SHROOM3: variants seen among roughly 807,000 people sequenced by gnomAD.
SHROOM3 encodes protein Shroom3.
A neutral mutation model predicts 138.6 loss-of-function variants in SHROOM3; 47 were observed. The observed-to-expected ratio is 0.34, with a 90% CI of 0.27 to 0.43. The LOEUF (loss-of-function observed/expected upper bound fraction) is 0.43. SHROOM3 is among the 20% of genes least tolerant of loss of function. The pLI is 1.00. For synonymous variants in SHROOM3, 1,062 were observed against 1,063.3 expected, an observed-to-expected ratio of 1.00 and a Z score of 0.02; for missense variants, 2,491 against 2,596.5, an observed-to-expected ratio of 0.96 and a Z score of 0.88.
chr4:76,588,133 A>G (rs1734189515), intron 2 of SHROOM3, among the ~76,000 whole-genome samples: 1 of 152,186 alleles, frequency 6.6e-6, no homozygotes, highest in Non-Finnish European at 1.5e-5. Flanking sequence ...CTTCTTAACA[A>G]TACTTAAAAG....
chr4:76,592,599 C>T (rs923404636), intron 2 of SHROOM3, among the ~76,000 whole-genome samples: 8 of 152,110 alleles, frequency 5.3e-5, no homozygotes, highest in African/African-American at 1.7e-4. Flanking sequence ...TATCGTCACA[C>T]GTACAGAGAA....
At chr4:76,678,770 C>T (rs1719110167) in intron 2 of SHROOM3, among the ~76,000 whole-genome samples, 2 of 152,212 alleles carry the variant, frequency 1.3e-5, no homozygotes, top group Admixed American at 6.5e-5. Context: ...AAGCAATTCT[C>T]CTGCCTCAGC....
intron 10 of SHROOM3, among the ~76,000 whole-genome samples, chr4:76,775,703 CAT>C (rs1199717775): frequency 6.8e-6 from 1 of 147,886 alleles, no homozygotes; most frequent in Non-Finnish European, 1.5e-5. Flanking sequence ...ATATACATAA[CAT>C]ATTTGTATAT....
At chr4:76,657,638 G>T (rs1446978464) in intron 2 of SHROOM3, among the ~76,000 whole-genome samples, 1 of 152,182 alleles carries the variant, frequency 6.6e-6, no homozygotes, top group Non-Finnish European at 1.5e-5. Context: ...TGGGGGTGGG[G>T]GGGTCCCCTT....
intron 2 of SHROOM3, among the ~76,000 whole-genome samples, chr4:76,584,337 G>T (rs1393058344): frequency 1.3e-5 from 2 of 151,558 alleles, no homozygotes; most frequent in African/African-American, 4.8e-5. Context: ...AAAAAAAAGA[G>T]TCACATAGAT....
intron 3 of SHROOM3, among the ~76,000 whole-genome samples, chr4:76,713,330 T>C: frequency 6.6e-6 from 1 of 152,190 alleles, no homozygotes; most frequent in East Asian, 1.9e-4. Context: ...CTTTTTTTCA[T>C]TGAATTTTTT....
At chr4:76,733,715 C>CTTAGT (rs1426063447) in intron 4 of SHROOM3, among the ~76,000 whole-genome samples, 1 of 152,086 alleles carries the variant, frequency 6.6e-6, no homozygotes, top group Non-Finnish European at 1.5e-5. Context: ...CTCTGACAGC[C>CTTAGT]TTAGTTTAAG....
intron 9 of SHROOM3, among the ~76,000 whole-genome samples, chr4:76,760,719 A>T (rs1226998563): frequency 2.6e-5 from 4 of 152,310 alleles, no homozygotes; most frequent in Middle Eastern, 6.8e-3. Context: ...CTGCTAGCCC[A>T]AAGTTTTCCT....
intron 9 of SHROOM3, among the ~76,000 whole-genome samples, chr4:76,759,910 G>A (rs1721940173): frequency 6.6e-6 from 1 of 152,160 alleles, no homozygotes; most frequent in Admixed American, 6.5e-5. Flanking sequence ...GTAAGCTACT[G>A]TACTTTTCGT....
intron 2 of SHROOM3, among the ~76,000 whole-genome samples, chr4:76,617,641 A>G (rs1304048200): frequency 6.6e-6 from 1 of 152,204 alleles, no homozygotes; most frequent in Non-Finnish European, 1.5e-5. Flanking sequence ...TTAATCATCT[A>G]AGGGTTTTTG....
chr4:76,466,378 T>G (rs550395343), intron 1 of SHROOM3, among the ~76,000 whole-genome samples: 4 of 152,308 alleles, frequency 2.6e-5, no homozygotes, highest in African/African-American at 9.6e-5. Context: ...TCTTTTATAT[T>G]CTTTTCTAAC....
chr4:76,746,766 T>C (rs1721446374), intron 5 of SHROOM3, among the ~76,000 whole-genome samples: 1 of 149,712 alleles, frequency 6.7e-6, no homozygotes, highest in South Asian at 2.1e-4. Flanking sequence ...TGAGATTCAG[T>C]AGACTTTAGA....
intron 1 of SHROOM3, among the ~76,000 whole-genome samples, chr4:76,441,086 G>GTTTTTTTTTTTTTTTTTTTTTTTTTTT (rs374530154): frequency 1.2e-5 from 1 of 82,182 alleles, no homozygotes; most frequent in Non-Finnish European, 2.2e-5. Context: ...AGTTCAATTT[G>GTTTTTTTTTTTTTTTTTTTTTTTTTTT]TTTTTTTTTT....
At chr4:76,695,157 G>T (rs1719687966) in intron 2 of SHROOM3, among the ~76,000 whole-genome samples, 1 of 152,162 alleles carries the variant, frequency 6.6e-6, no homozygotes, top group Non-Finnish European at 1.5e-5. Flanking sequence ...CACCTTTGGG[G>T]GTTTGTGGGA....
At chr4:76,441,393 CCT>C (rs1240562545) in intron 1 of SHROOM3, among the ~76,000 whole-genome samples, 1 of 152,004 alleles carries the variant, frequency 6.6e-6, no homozygotes, top group African/African-American at 2.4e-5. Context: ...GCGCCCAGCC[CCT>C]GAGTTCAATT....
Position 76,749,067 on chromosome 4 carries a change from T to C in SHROOM3, c.3804T>C (p.Cys1268=), listed in dbSNP as rs1721541383. The C allele has an allele frequency of 6.2e-7, 1 of 1,614,048 alleles. No homozygotes were observed. The highest frequency in any genetic ancestry group is 8.5e-7 in the Non-Finnish European group (1 of 1,179,954). Residue 1268 remains cysteine (C), a synonymous_variant, in exon 6 of 11, where the codon TGT becomes TGC. Coordinates refer to ENST00000296043, the MANE Select transcript of SHROOM3 (RefSeq NM_020859.4). ...GCTTTGGTCTTGTGAAGGATCCATGTTATTTGGCTGGTCCTGGATCTAGGT... is the reference window on the plus strand; with the variant it reads ...GCTTTGGTCTTGTGAAGGATCCATGCTATTTGGCTGGTCCTGGATCTAGGT... ...DSGFGLVKDP[C]YLAGPGSRSL... is the part of the protein sequence containing the mutation.
chr4:76,520,197 C>G (rs149526093), intron 1 of SHROOM3, among the ~76,000 whole-genome samples: 169 of 152,284 alleles, frequency 1.1e-3, no homozygotes, highest in African/African-American at 3.3e-3. Flanking sequence ...ATAATTTATA[C>G]TCTTTGATAT....
intron 2 of SHROOM3, among the ~76,000 whole-genome samples, chr4:76,636,972 G>C (rs1735515219): frequency 6.6e-6 from 1 of 152,162 alleles, no homozygotes; most frequent in Non-Finnish European, 1.5e-5. Flanking sequence ...GAAGTTTGGT[G>C]ATGTTTTTGT....
chr4:76,500,937 G>T lies in SHROOM3; in HGVS notation c.169-54672G>T, dbSNP rs1732079513. Among the ~76,000 whole-genome samples the T allele has an allele frequency of 2.0e-5, 3 of 152,052 alleles. 1 individual carries two copies. In the South Asian group the frequency reaches 6.2e-4, roughly 32 times the overall value. ...TCCTCCCACCTCAGCCTCCATAGTA[G>T]TTGGGACTACAAGCGCACACCACCA... On this transcript the variant is annotated intron_variant, in intron 1 of 10. Transcript: ENST00000296043.
Sources: allele counts gnomAD v4.1 joint callset (sites outside exome capture counted in the v4.1 genomes callset), GRCh38; gene constraint gnomAD v4.1.1; transcripts MANE v1.5; gene names NCBI Gene and HGNC (gene_info 2026-07-23, HGNC 2026-07-21).